Variants in CD53 observed in about 807,000 individuals in gnomAD.
The protein encoded by CD53 is CD53 molecule.
In CD53, 20 loss-of-function variants were observed where a neutral mutation model predicts 27.3. The observed-to-expected ratio is 0.73, with a 90% confidence interval of 0.52 to 1.07. CD53 has a LOEUF of 1.07. Ranked by LOEUF, CD53 falls within the 50% of genes least tolerant of loss-of-function variation. CD53 has a pLI of 0.00. For synonymous variants in CD53, 106 were observed against 105.3 expected (o/e 1.01, Z -0.04); for missense variants, 216 against 264.0 (o/e 0.82, Z 1.26).
intron 1 of CD53, among the ~76,000 whole-genome samples, chr1:110,886,575 A>T (rs1656611824): frequency 6.6e-6 from 1 of 151,992 alleles, no homozygotes; most frequent in African/African-American, 2.4e-5. Context: ...CTGGCCAGGC[A>T]TGGTGGCTCA....
intron 3 of CD53, among the ~76,000 whole-genome samples, chr1:110,893,733 T>A (rs1410590028): frequency 6.6e-6 from 1 of 152,146 alleles, no homozygotes; most frequent in Non-Finnish European, 1.5e-5. Flanking sequence ...AGACATGGGG[T>A]AAGGCAAATG....
intron 1 of CD53, among the ~76,000 whole-genome samples, chr1:110,890,418 T>C (rs1009896390): frequency 2.0e-5 from 3 of 151,938 alleles, no homozygotes; most frequent in Admixed American, 6.6e-5. Flanking sequence ...AATACAAAAA[T>C]TATCCGGGCA....
intron 1 of CD53, among the ~76,000 whole-genome samples, chr1:110,881,855 A>C (rs960026056): frequency 6.6e-6 from 1 of 152,162 alleles, no homozygotes; most frequent in Non-Finnish European, 1.5e-5. Context: ...CATTTCCTTA[A>C]TGAGTAATGA....
At chr1:110,882,167 G>T (rs1656381521) in intron 1 of CD53, among the ~76,000 whole-genome samples, 2 of 152,100 alleles carry the variant, frequency 1.3e-5, no homozygotes, top group Non-Finnish European at 2.9e-5. Flanking sequence ...TCTTATCTGA[G>T]AACTCTTTGC....
intron 1 of CD53, among the ~76,000 whole-genome samples, chr1:110,880,802 A>G (rs1475304406): frequency 6.6e-6 from 1 of 152,174 alleles, no homozygotes; most frequent in African/African-American, 2.4e-5. Context: ...CTTATAAAAC[A>G]AAATGGTTAG....
At chr1:110,898,294 G>A (rs949622471) in intron 7 of CD53, among the ~76,000 whole-genome samples, 8 of 150,874 alleles carry the variant, frequency 5.3e-5, no homozygotes, top group Admixed American at 1.3e-4. Flanking sequence ...GGAGAATGGC[G>A]TGAACCTGGG....
intron 1 of CD53, among the ~76,000 whole-genome samples, chr1:110,888,689 A>C (rs1037403025): frequency 2.6e-5 from 4 of 152,248 alleles, no homozygotes; most frequent in Admixed American, 2.0e-4. Context: ...TAGTTATCTC[A>C]ATATGTACAA....
chr1:110,878,793 T>C (rs752106988), intron 1 of CD53, among the ~76,000 whole-genome samples: 1 of 152,342 alleles, frequency 6.6e-6, no homozygotes, highest in Non-Finnish European at 1.5e-5. Flanking sequence ...TTTTCCAACA[T>C]GTCTTAACAG....
intron 4 of CD53, 56 bp downstream of exon 4, chr1:110,894,457 G>A: frequency 7.6e-7 from 1 of 1,319,388 alleles, no homozygotes; most frequent in African/African-American, 1.4e-5. Flanking sequence ...GGAGTATGCA[G>A]TGGAGAAGTT....
At chr1:110,873,611 C>A (rs1175321913) in intron 1 of CD53, among the ~76,000 whole-genome samples, 1 of 152,138 alleles carries the variant, frequency 6.6e-6, no homozygotes, top group African/African-American at 2.4e-5. Context: ...GAAAATTGGT[C>A]TTGTGATTTT....
chr1:110,890,765 G>C (rs1246276040), intron 1 of CD53, among the ~76,000 whole-genome samples: 2 of 152,116 alleles, frequency 1.3e-5, no homozygotes, highest in African/African-American at 4.8e-5. Flanking sequence ...ATATTTGTTG[G>C]CTTGTTTTAT....
At chr1:110,876,896 C>T (rs1240656726) in intron 1 of CD53, among the ~76,000 whole-genome samples, 2 of 152,176 alleles carry the variant, frequency 1.3e-5, no homozygotes, top group Non-Finnish European at 2.9e-5. Flanking sequence ...TTCTCTGGCT[C>T]TCTCATTTGA....
At chr1:110,891,541 GAA>G (rs1656853995) in intron 2 of CD53, 70 bp downstream of exon 2, 2 of 1,200,078 alleles carry the variant, frequency 1.7e-6, no homozygotes, top group African/African-American at 1.5e-5. Context: ...TTCCTCTACT[GAA>G]GAGGCTGGTG....
chr1:110,893,574 G>A (rs1405413942), intron 3 of CD53, among the ~76,000 whole-genome samples: 1 of 152,142 alleles, frequency 6.6e-6, no homozygotes, highest in Non-Finnish European at 1.5e-5. Context: ...CACCTGCCTC[G>A]GCCTCCCAAA....
chr1:110,892,813 T>C, intron 3 of CD53: 1 of 313,884 alleles, frequency 3.2e-6, no homozygotes, highest in Non-Finnish European at 5.9e-6. Flanking sequence ...TAGCATTTTA[T>C]TTTTTCTTTA....
In CD53 at chr1:110,892,459, G is replaced by C. The variant is rs1439477628; in HGVS notation, c.178G>C (p.Gly60Arg). 3.1e-6 allele frequency: 5 copies of C among 1,613,900 alleles called. No homozygotes were observed. Among genetic ancestry groups the C allele is most frequent in the Non-Finnish European group, 4.2e-6 (5 of 1,179,976 alleles). The change falls in exon 3 of 8, where the codon GGC becomes CGC. Residue 60 changes from glycine to arginine, a missense_variant. Physicochemically the swap from Gly to Arg is moderately radical, Grantham distance 125. Transcript: ENST00000271324. ...LTLGNVFVIVGSIIMVVAFLG... is the reference protein window; with the variant it reads ...LTLGNVFVIVRSIIMVVAFLG... ...GCTGGGCAATGTGTTTGTCATCGTG[G>C]GCTCTATTATCATGGTAGTTGCCTT... is the stretch of plus-strand genomic sequence containing the variant.
rs1656974670 is a variant in CD53 at position 110,894,365 on chromosome 1, G to A, written c.291G>A (p.Val97=). 6.2e-7 allele frequency: 1 copy of A among 1,613,988 alleles called. No homozygotes were observed. The highest frequency in any genetic ancestry group is 1.3e-5 in the African/African-American group (1 of 74,904). ...ILLLIILLAE[V]TLAILLFVYE... is the part of the protein sequence containing the mutation. The stretch of plus-strand genomic sequence containing the variant: ...TGCTGATTATCCTCCTTGCTGAGGT[G>A]ACCTTGGCCATCCTGCTCTTTGTAT... Residue 97 remains valine (V), a synonymous_variant, in exon 4 of 8, where the codon GTG becomes GTA. Coordinates refer to ENST00000271324, the MANE Select transcript of CD53 (RefSeq NM_000560.4).
chr1:110,892,330 G>C lies in CD53; in HGVS notation c.64-15G>C. On this transcript the variant is annotated splice_polypyrimidine_tract_variant and intron_variant, in intron 2 of 7. Coordinates refer to ENST00000271324, the MANE Select transcript of CD53 (RefSeq NM_000560.4). Reference sequence around the variant, plus strand: ...CACATTTTGCTTCAGGATGTTGTGGGATTCTTCCTTTCAGATCTGTGGCTG... The same window carrying C: ...CACATTTTGCTTCAGGATGTTGTGGCATTCTTCCTTTCAGATCTGTGGCTG... 1 of 1,609,202 alleles carries C rather than the reference G, an allele frequency of 6.2e-7. No homozygotes were observed. Among genetic ancestry groups the C allele is most frequent in the Non-Finnish European group, 8.5e-7 (1 of 1,175,500 alleles).
intron 1 of CD53, among the ~76,000 whole-genome samples, chr1:110,880,775 T>C (rs1656324628): frequency 6.6e-6 from 1 of 152,160 alleles, no homozygotes; most frequent in South Asian, 2.1e-4. Context: ...GCTCACATTC[T>C]AGTGAGGGAA....
Sources: allele counts gnomAD v4.1 joint callset (sites outside exome capture counted in the v4.1 genomes callset), GRCh38; gene constraint gnomAD v4.1.1; transcripts MANE v1.5; gene names NCBI Gene and HGNC (gene_info 2026-07-23, HGNC 2026-07-21).